The following MAN2A1 variants were observed in gnomAD, a reference collection of about 807,000 sequenced individuals.
MAN2A1 encodes alpha-mannosidase 2.
Under a neutral mutation model 142.6 loss-of-function variants are expected in MAN2A1, and 76 were observed. The observed-to-expected ratio is 0.53, with a 90% CI of 0.44 to 0.65. The LOEUF (loss-of-function observed/expected upper bound fraction) is 0.65. MAN2A1 is among the 30% of genes least tolerant of loss of function. MAN2A1 has a pLI of 0.00. For synonymous variants in MAN2A1, 559 were observed against 473.2 expected, an observed-to-expected ratio of 1.18 and a Z score of -2.35; for missense variants, 1,311 against 1,365.1, an observed-to-expected ratio of 0.96 and a Z score of 0.62.
chr5:109,869,421 CATT>C lies in MAN2A1; in HGVS notation c.*2426_*2428del, dbSNP rs769628352. On this transcript the variant is annotated 3_prime_UTR_variant, in exon 22 of 22. Coordinates refer to ENST00000261483, the MANE Select transcript of MAN2A1 (RefSeq NM_002372.4). ...AAATGCTGTAAAATGTGATGTAAAACATTATCATGATCTTCCCATGCCTTTGTT... is the reference window on the plus strand; with the variant it reads ...AAATGCTGTAAAATGTGATGTAAAACATCATGATCTTCCCATGCCTTTGTT... The C allele has an allele frequency of 1.3e-5, 2 of 152,100 alleles. No individual in the cohort carries two copies. Among genetic ancestry groups the C allele is most frequent in the Non-Finnish European group, 2.9e-5 (2 of 68,018 alleles). 9.4% of individuals were successfully genotyped at this position (152,100 alleles called of 1,614,324 possible).
At chr5:109,859,969 C>A (rs944913385) in intron 20 of MAN2A1, among the ~76,000 whole-genome samples, 1 of 144,248 alleles carries the variant, frequency 6.9e-6, no homozygotes, top group Admixed American at 7.1e-5. Context: ...TTAACTCTTT[C>A]TCTATGTAAT....
chr5:109,834,428 TA>T (rs1308829793), intron 16 of MAN2A1, among the ~76,000 whole-genome samples: 1 of 74,814 alleles, frequency 1.3e-5, no homozygotes, highest in Non-Finnish European at 2.4e-5. Flanking sequence ...ATAACATTAG[TA>T]CTTTAAAAAA....
chr5:109,713,893 CT>C, intron 2 of MAN2A1, 119 bp downstream of exon 2: 1 of 901,242 alleles, frequency 1.1e-6, no homozygotes, highest in African/African-American at 1.7e-5. Context: ...TCTAGTTTCT[CT>C]TTTTGTAAAG....
chr5:109,710,199 G>T (rs2112557382), intron 1 of MAN2A1, among the ~76,000 whole-genome samples: 1 of 152,260 alleles, frequency 6.6e-6, no homozygotes, highest in South Asian at 2.1e-4. Context: ...TATCTTTAAA[G>T]CTAAATGAGA....
At chr5:109,759,271 C>G (rs772187849) in intron 5 of MAN2A1, among the ~76,000 whole-genome samples, 2 of 151,974 alleles carry the variant, frequency 1.3e-5, no homozygotes, top group African/African-American at 2.4e-5. Context: ...TGTAAAAGTC[C>G]TGTACTTTTT....
intron 6 of MAN2A1, among the ~76,000 whole-genome samples, chr5:109,770,099 T>A (rs1419021724): frequency 6.6e-6 from 1 of 152,176 alleles, no homozygotes; most frequent in Non-Finnish European, 1.5e-5. Context: ...CAGCTGGCGC[T>A]GGTTCATGCT....
intron 9 of MAN2A1, among the ~76,000 whole-genome samples, chr5:109,784,317 T>A (rs992071276): frequency 3.3e-5 from 5 of 152,214 alleles, no homozygotes; most frequent in Non-Finnish European, 7.4e-5. Flanking sequence ...TTCTTTCTCA[T>A]TTCTCTTAAT....
chr5:109,727,770 G>C (rs1751785907), intron 3 of MAN2A1, among the ~76,000 whole-genome samples: 1 of 152,156 alleles, frequency 6.6e-6, no homozygotes, highest in African/African-American at 2.4e-5. Context: ...TGGTCATCAG[G>C]GAGTTAGGGC....
At position 109,811,067 on chromosome 5, in the gene MAN2A1, C is replaced by T. The variant is rs182255013; in HGVS notation, c.1944-6206C>T. Among the ~76,000 whole-genome samples, 281 of 151,294 alleles carry T rather than the reference C, an allele frequency of 1.9e-3. 2 individuals are homozygous for T. Among genetic ancestry groups the T allele is most frequent in the African/African-American group, 6.4e-3 (265 of 41,250 alleles). Reference sequence around the variant, plus strand: ...AATTTTTAGTTTTTTGTTACCAAATCTGTCAGCCTTTTACTTCATTGTATT... The same window carrying T: ...AATTTTTAGTTTTTTGTTACCAAATTTGTCAGCCTTTTACTTCATTGTATT... On this transcript the variant is annotated intron_variant, in intron 12 of 21. Coordinates refer to ENST00000261483, the MANE Select transcript of MAN2A1 (RefSeq NM_002372.4).
chr5:109,808,198 G>A (rs1475665532), intron 12 of MAN2A1, among the ~76,000 whole-genome samples: 2 of 152,068 alleles, frequency 1.3e-5, no homozygotes, highest in East Asian at 3.8e-4. Context: ...CTTTATTACT[G>A]AAAAGGATTT....
At chr5:109,800,873 A>T (rs935466039) in intron 12 of MAN2A1, among the ~76,000 whole-genome samples, 18 of 152,234 alleles carry the variant, frequency 1.2e-4, no homozygotes, top group Admixed American at 2.6e-4. Flanking sequence ...AGTGAAAATT[A>T]TGAGAAAAAG....
chr5:109,699,349 T>C (rs1157750041), intron 1 of MAN2A1, among the ~76,000 whole-genome samples: 1 of 152,146 alleles, frequency 6.6e-6, no homozygotes, highest in Admixed American at 6.5e-5. Context: ...TGAAAACCAG[T>C]AAACAAGGAT....
chr5:109,835,350 GAA>G (rs1205178602), intron 16 of MAN2A1, among the ~76,000 whole-genome samples: 1 of 152,196 alleles, frequency 6.6e-6, no homozygotes, highest in Non-Finnish European at 1.5e-5. Flanking sequence ...CAGATTGGAG[GAA>G]AGGAGATGAG....
chr5:109,720,831 T>C (rs1360581990), intron 3 of MAN2A1, among the ~76,000 whole-genome samples: 1 of 152,234 alleles, frequency 6.6e-6, no homozygotes, highest in Non-Finnish European at 1.5e-5. Context: ...GTCTGGTTGC[T>C]AAAGGAACTT....
intron 1 of MAN2A1, among the ~76,000 whole-genome samples, chr5:109,703,192 T>C (rs1354238097): frequency 2.0e-5 from 3 of 152,248 alleles, no homozygotes; most frequent in African/African-American, 7.2e-5. Flanking sequence ...TTACTGACAA[T>C]TATTTTCTTT....
intron 7 of MAN2A1, 70 bp downstream of exon 7, chr5:109,770,611 G>A: frequency 2.1e-6 from 3 of 1,405,218 alleles, no homozygotes; most frequent in Non-Finnish European, 3.0e-6. Flanking sequence ...GTTGCTGAAG[G>A]GTTGAACAAA....
chr5:109,731,483 G>A (rs559554991), intron 4 of MAN2A1, among the ~76,000 whole-genome samples: 1 of 148,226 alleles, frequency 6.7e-6, no homozygotes, highest in Non-Finnish European at 1.5e-5. Flanking sequence ...TTAGCATTAG[G>A]TATATCACCT....
intron 8 of MAN2A1, among the ~76,000 whole-genome samples, chr5:109,779,701 A>C (rs1454081129): frequency 6.6e-6 from 1 of 152,130 alleles, no homozygotes; most frequent in African/African-American, 2.4e-5. Context: ...TATTTAACTT[A>C]TTTAGTTATC....
chr5:109,860,810 C>G (rs1346780785), intron 20 of MAN2A1, among the ~76,000 whole-genome samples: 1 of 152,106 alleles, frequency 6.6e-6, no homozygotes, highest in Non-Finnish European at 1.5e-5. Context: ...AAGGAAATTA[C>G]AATTTCCAAA....
Sources: gnomAD v4.1 joint callset for allele counts (sites outside exome capture counted in the v4.1 genomes callset) on GRCh38, gnomAD v4.1.1 for gene constraint, MANE v1.5 for transcripts, NCBI Gene and HGNC (gene_info 2026-07-23, HGNC 2026-07-21) for gene names.